Variants in DCDC1 observed in about 807,000 individuals in gnomAD.
DCDC1 encodes the protein doublecortin domain-containing protein 1.
DCDC1 carries 200 observed loss-of-function variants against 178.3 expected under a neutral mutation model. The observed-to-expected ratio is 1.12, with a 90% CI of 1.00 to 1.26. The LOEUF is 1.26. DCDC1 is among the 50% of genes most tolerant of loss of function. The pLI, the probability that DCDC1 is intolerant of heterozygous loss-of-function variation, is 0.00. For synonymous variants in DCDC1, 690 were observed against 604.8 expected, an observed-to-expected ratio of 1.14 and a Z score of -2.07; for missense variants, 1,983 against 1,749.2, an observed-to-expected ratio of 1.13 and a Z score of -2.38.
chr11:30,917,927 T>C (rs1945967984), intron 25 of DCDC1, among the ~76,000 whole-genome samples: 1 of 152,228 alleles, frequency 6.6e-6, no homozygotes, highest in Admixed American at 6.5e-5. Flanking sequence ...CTGACCGTAC[T>C]CTTTTCAAAT....
chr11:31,058,277 A>C (rs1260272495), intron 20 of DCDC1, among the ~76,000 whole-genome samples: 2 of 152,110 alleles, frequency 1.3e-5, no homozygotes, highest in African/African-American at 4.8e-5. Context: ...TCTTAATTCC[A>C]TTAATCATAC....
chr11:31,137,653 T>G (rs1363216607), intron 10 of DCDC1, 39 bp downstream of exon 10: 1 of 699,244 alleles, frequency 1.4e-6, no homozygotes, highest in East Asian at 2.7e-5. Flanking sequence ...TGGCCCTCAT[T>G]GCAGTTTTAA....
chr11:30,956,291 C>T (rs933684717), intron 20 of DCDC1, among the ~76,000 whole-genome samples: 1 of 152,154 alleles, frequency 6.6e-6, no homozygotes, highest in African/African-American at 2.4e-5. Flanking sequence ...CCACCTTGGC[C>T]TCCCAAAGTG....
intron 34 of DCDC1, among the ~76,000 whole-genome samples, chr11:30,898,321 C>T (rs924529844): frequency 6.6e-6 from 1 of 152,138 alleles, no homozygotes; most frequent in African/African-American, 2.4e-5. Context: ...AAGATGGAAG[C>T]AGGGAGACCA....
intron 6 of DCDC1, among the ~76,000 whole-genome samples, chr11:31,297,456 C>T (rs1947779635): frequency 6.6e-6 from 1 of 152,050 alleles, no homozygotes; most frequent in Non-Finnish European, 1.5e-5. Context: ...AGCGATTCTC[C>T]TGCCTCAGCC....
At chr11:31,074,341 T>C (rs1956744247) in intron 18 of DCDC1, among the ~76,000 whole-genome samples, 1 of 152,194 alleles carries the variant, frequency 6.6e-6, no homozygotes, top group Non-Finnish European at 1.5e-5. Context: ...ATGGTCTGAA[T>C]GTGTCCCCCA....
At position 31,040,486 on chromosome 11, in the gene DCDC1, A is replaced by G. The variant is rs552572656; in HGVS notation, c.2591+23983T>C. 2.6e-5 allele frequency among the ~76,000 whole-genome samples: 4 copies of G among 152,314 alleles called. No individual in the cohort carries two copies. The East Asian group carries it at 7.7e-4, about 29-fold the overall frequency. On this transcript the variant is annotated intron_variant, in intron 20 of 38. Coordinates refer to ENST00000684477, the MANE Select transcript of DCDC1 (RefSeq NM_001387274.1). ...TTATAGTTAAAAGAAGACTAGATTT[A>G]GCTTCTGGATCCCAAGATTGAAACC...
chr11:31,252,634 A>C (rs1944121734), intron 8 of DCDC1, among the ~76,000 whole-genome samples: 1 of 152,086 alleles, frequency 6.6e-6, no homozygotes, highest in African/African-American at 2.4e-5. Flanking sequence ...ACTAGACAGA[A>C]CAGAGAAGAG....
chr11:31,315,497 C>T (rs757627337), intron 3 of DCDC1, among the ~76,000 whole-genome samples: 18 of 151,052 alleles, frequency 1.2e-4, no homozygotes, highest in Admixed American at 9.9e-4. Flanking sequence ...CTGCCATGCC[C>T]GGCTAATTTT....
chr11:31,131,684 G>C (rs1298237752), intron 10 of DCDC1, among the ~76,000 whole-genome samples: 1 of 152,128 alleles, frequency 6.6e-6, no homozygotes, highest in Non-Finnish European at 1.5e-5. Flanking sequence ...GAAAAATACT[G>C]GTCCTCTCTG....
At chr11:31,095,026 G>A (rs1000281892) in intron 15 of DCDC1, among the ~76,000 whole-genome samples, 4 of 151,932 alleles carry the variant, frequency 2.6e-5, no homozygotes, top group African/African-American at 9.7e-5. Context: ...TCCCACTTAT[G>A]AGTGAGAACA....
In DCDC1 at chr11:31,111,086, T is replaced by C. The variant is rs1332168561; in HGVS notation, c.1486-725A>G. Among the ~76,000 whole-genome samples the C allele has an allele frequency of 7.2e-5, 11 of 152,066 alleles. No individual in the cohort carries two copies. The East Asian group carries it at 2.1e-3, about 29-fold the overall frequency. ...ACCACCCCTCCAACCACGCGGAGGA[T>C]CCATGTGGGGTGTGCCATTCACCAG... On this transcript the variant is annotated intron_variant, in intron 11 of 38. Transcript: ENST00000684477.
At chr11:30,989,361 G>C in intron 20 of DCDC1, among the ~76,000 whole-genome samples, 1 of 152,120 alleles carries the variant, frequency 6.6e-6, no homozygotes, top group Non-Finnish European at 1.5e-5. Context: ...CCAAAATCAA[G>C]ATCATTTATA....
intron 9 of DCDC1, among the ~76,000 whole-genome samples, chr11:31,180,435 G>A (rs1027311561): frequency 1.6e-4 from 25 of 152,104 alleles, no homozygotes; most frequent in African/African-American, 3.6e-4. Flanking sequence ...GAACAGCTCC[G>A]GTCTGCAGCT....
At chr11:31,348,818 G>T (rs953822137) in intron 1 of DCDC1, among the ~76,000 whole-genome samples, 6 of 152,130 alleles carry the variant, frequency 3.9e-5, no homozygotes, top group Non-Finnish European at 5.9e-5. Flanking sequence ...AAAGACACTT[G>T]ATTTCTTCAT....
intron 1 of DCDC1, among the ~76,000 whole-genome samples, chr11:31,338,867 G>A (rs183066556): frequency 3.3e-4 from 50 of 152,202 alleles, no homozygotes; most frequent in African/African-American, 1.1e-3. Context: ...ACTTTTATAT[G>A]AGTAAGAAAT....
intron 31 of DCDC1, 161 bp downstream of exon 31, chr11:30,904,799 TA>T: frequency 1.2e-6 from 1 of 804,922 alleles, no homozygotes. Context: ...TACAATCAAA[TA>T]AAATGTCTTT....
chr11:31,200,037 C>T (rs1471281763), intron 9 of DCDC1, among the ~76,000 whole-genome samples: 1 of 151,886 alleles, frequency 6.6e-6, no homozygotes, highest in African/African-American at 2.4e-5. Context: ...GAAGAAAATG[C>T]TTATATGTGC....
intron 17 of DCDC1, among the ~76,000 whole-genome samples, chr11:31,087,446 T>C (rs895851733): frequency 3.3e-5 from 5 of 152,102 alleles, no homozygotes; most frequent in African/African-American, 4.8e-5. Context: ...AGTCATTGAT[T>C]TAATATCTTT....
Sources: gnomAD v4.1 joint callset for allele counts (sites outside exome capture counted in the v4.1 genomes callset) on GRCh38, gnomAD v4.1.1 for gene constraint, MANE v1.5 for transcripts, NCBI Gene and HGNC (gene_info 2026-07-23, HGNC 2026-07-21) for gene names.